Variants in USH2A observed in about 807,000 individuals in gnomAD.
USH2A encodes usherin.
A neutral mutation model predicts 538.9 loss-of-function variants in USH2A; 443 were observed. The ratio of observed to expected loss-of-function variants is 0.82; its 90% confidence interval spans 0.76 to 0.89. The LOEUF is 0.89. USH2A is among the 40% of genes least tolerant of loss of function. USH2A has a pLI of 0.00. For missense variants in USH2A, 6,633 were observed against 6,324.8 expected (o/e 1.05, Z -1.65); for synonymous variants, 2,413 against 2,273.5 (o/e 1.06, Z -1.75).
chr1:216,417,721 G>A (rs2102782710), intron 3 of USH2A, among the ~76,000 whole-genome samples: 1 of 152,086 alleles, frequency 6.6e-6, no homozygotes, highest in East Asian at 1.9e-4. Flanking sequence ...CTGAGCAGAT[G>A]CCAGAATCAT....
At chr1:215,782,712 T>C in intron 53 of USH2A, 26 bp downstream of exon 53, 1 of 1,608,408 alleles carries the variant, frequency 6.2e-7, no homozygotes, top group South Asian at 1.1e-5. Context: ...GATTTTGTTA[T>C]TTGTATTTTA....
intron 18 of USH2A, among the ~76,000 whole-genome samples, chr1:216,197,658 A>G (rs1281634435): frequency 6.6e-6 from 1 of 152,222 alleles, no homozygotes; most frequent in African/African-American, 2.4e-5. Flanking sequence ...GATTAAACAC[A>G]TAACAAAAGT....
intron 4 of USH2A, among the ~76,000 whole-genome samples, chr1:216,358,001 A>C (rs1289665621): frequency 6.6e-6 from 1 of 152,202 alleles, no homozygotes; most frequent in African/African-American, 2.4e-5. Context: ...CATAAAATTC[A>C]GCCTGATCAA....
intron 17 of USH2A, 75 bp from the exon 18 acceptor site, chr1:216,198,659 T>A: frequency 1.4e-6 from 2 of 1,389,314 alleles, no homozygotes; most frequent in Non-Finnish European, 2.0e-6. Flanking sequence ...TAGGGACAGG[T>A]CAGTTAAAGA....
intron 61 of USH2A, among the ~76,000 whole-genome samples, chr1:215,714,733 G>A (rs1028744575): frequency 6.6e-6 from 1 of 152,110 alleles, no homozygotes; most frequent in Non-Finnish European, 1.5e-5. Context: ...AACAAACTGT[G>A]TTTATAACAT....
At chr1:216,348,331 C>T (rs1038437259) in intron 4 of USH2A, among the ~76,000 whole-genome samples, 16 of 152,038 alleles carry the variant, frequency 1.1e-4, no homozygotes, top group African/African-American at 3.6e-4. Context: ...ACTTATAAAG[C>T]CAATAAAAAC....
intron 21 of USH2A, among the ~76,000 whole-genome samples, chr1:216,135,031 G>C (rs1009983496): frequency 2.0e-5 from 3 of 152,004 alleles, no homozygotes; most frequent in African/African-American, 7.3e-5. Flanking sequence ...TTGATTCAAA[G>C]AAAGAGATGA....
rs200372118 is a variant in USH2A at position 215,782,813 on chromosome 1, G to T, written c.10510C>A (p.Pro3504Thr). 3 of 1,613,950 alleles carry T rather than the reference G, an allele frequency of 1.9e-6. No homozygotes were observed. Among genetic ancestry groups the T allele is most frequent in the Non-Finnish European group, 2.5e-6 (3 of 1,179,914 alleles). Residue 3504 changes from proline to threonine, a missense_variant, in exon 53 of 72, where the codon CCC becomes ACC. By Grantham distance (38) the Pro-to-Thr change is conservative. Transcript: ENST00000307340. ...TKEDVPQGVS[P>T]PTWTKIDNLE... ...TTGTCTATTTTGGTCCACGTAGGGG[G>T]ACTCACTCCTTGAGGCACATCTTCT...
At position 215,743,211 on chromosome 1, in the gene USH2A, T is replaced by G. The variant is rs764345682; in HGVS notation, c.11514A>C (p.Thr3838=). ...STLLENLTPF[T]QYEIRIQACQ... is the part of the protein sequence containing the mutation. The stretch of plus-strand genomic sequence containing the variant: ...ATGCTTGTATCCTTATCTCATACTG[T>G]GTGAATGGAGTCAAATTTTCCAGAA... The change falls in exon 59 of 72, where the codon ACA becomes ACC. Residue 3838 remains threonine (T), a synonymous_variant. Transcript: ENST00000307340. The G allele has an allele frequency of 6.2e-7, 1 of 1,612,104 alleles. No homozygotes were observed. The highest frequency in any genetic ancestry group is 8.5e-7 in the Non-Finnish European group (1 of 1,179,202).
At chr1:215,717,375 A>G (rs997023628) in intron 61 of USH2A, among the ~76,000 whole-genome samples, 1 of 152,158 alleles carries the variant, frequency 6.6e-6, no homozygotes, top group African/African-American at 2.4e-5. Flanking sequence ...CATGACTAAG[A>G]ATCATGATGC....
At position 215,934,713 on chromosome 1, in the gene USH2A, C is replaced by T. The variant is rs769558676; in HGVS notation, c.7203G>A (p.Gly2401=). The T allele has an allele frequency of 1.2e-6, 2 of 1,612,888 alleles. No individual in the cohort carries two copies. Among genetic ancestry groups the T allele is most frequent in the South Asian group, 2.2e-5 (2 of 91,062 alleles). Residue 2401 remains glycine (G), a synonymous_variant, in exon 38 of 72, where the codon GGG becomes GGA. Transcript: ENST00000307340. The part of the protein sequence containing the change: ...EETNLWVLID[G]LVPFTNYTVQ... ...CAGTATAGTTGGTAAAAGGAACCAGCCCATCGATGAGCACCCAAAGGTTTG... is the reference window on the plus strand; with the variant it reads ...CAGTATAGTTGGTAAAAGGAACCAGTCCATCGATGAGCACCCAAAGGTTTG...
At chr1:215,626,556 A>G (rs1656033478) in intron 71 of USH2A, among the ~76,000 whole-genome samples, 1 of 152,104 alleles carries the variant, frequency 6.6e-6, no homozygotes, top group African/African-American at 2.4e-5. Context: ...GTTGGTTATA[A>G]TGTTATAATA....
intron 21 of USH2A, among the ~76,000 whole-genome samples, chr1:216,142,157 T>G (rs115692977): frequency 0.013 from 2,010 of 152,318 alleles, 38 homozygotes; most frequent in Non-Finnish European, 0.018. Flanking sequence ...GAAGATATTA[T>G]AATTTTCTTC....
In USH2A at chr1:216,046,665, A is replaced by T. The variant is rs866166785; in HGVS notation, c.6164-73T>A. ...ATTCAAACTTTTCAGACCCAAACCA[A>T]TAAATCATGGAATAAACCTGAAATC... On this transcript the variant is annotated intron_variant, in intron 31 of 71. Coordinates refer to ENST00000307340, the MANE Select transcript of USH2A (RefSeq NM_206933.4). 3.0e-5 allele frequency: 46 copies of T among 1,555,768 alleles called. No homozygotes were observed. In the African/African-American group the frequency reaches 4.9e-4, roughly 17 times the overall value.
chr1:215,690,697 AGTT>A (rs79977546), intron 61 of USH2A, among the ~76,000 whole-genome samples: 29,172 of 150,908 alleles, frequency 0.19, 3,100 homozygotes, highest in South Asian at 0.48. Flanking sequence ...TCATTCTTCC[AGTT>A]GTTTAGGCCA....
At chr1:216,223,829 TC>T (rs1346073192) in intron 14 of USH2A, among the ~76,000 whole-genome samples, 2 of 152,174 alleles carry the variant, frequency 1.3e-5, no homozygotes, top group African/African-American at 4.8e-5. Context: ...TTGACCTGGT[TC>T]TCAGAGAAAA....
intron 60 of USH2A, among the ~76,000 whole-genome samples, chr1:215,733,350 C>T (rs1221640143): frequency 6.6e-6 from 1 of 152,138 alleles, no homozygotes; most frequent in Non-Finnish European, 1.5e-5. Context: ...TCCCACTAGG[C>T]CCCATCTGCA....
At chr1:215,935,707 C>G (rs1416013994) in intron 37 of USH2A, among the ~76,000 whole-genome samples, 1 of 151,876 alleles carries the variant, frequency 6.6e-6, no homozygotes, top group Non-Finnish European at 1.5e-5. Flanking sequence ...AAAATTGTAA[C>G]ATTTTCTATA....
At chr1:215,856,622 A>G (rs1664173099) in intron 44 of USH2A, among the ~76,000 whole-genome samples, 1 of 152,226 alleles carries the variant, frequency 6.6e-6, no homozygotes, top group Non-Finnish European at 1.5e-5. Flanking sequence ...TACAACCACT[A>G]TGAAAAATAG....
Sources: allele counts gnomAD v4.1 joint callset (sites outside exome capture counted in the v4.1 genomes callset), GRCh38; gene constraint gnomAD v4.1.1; transcripts MANE v1.5; gene names NCBI Gene and HGNC (gene_info 2026-07-23, HGNC 2026-07-21).